The following KANSL1 variants were observed in gnomAD, a reference collection of about 807,000 sequenced individuals.
KANSL1 encodes the protein MLL1/MLL complex subunit KANSL1.
Under a neutral mutation model 103.6 loss-of-function variants are expected in KANSL1, and 22 were observed. The observed-to-expected ratio is 0.21, with a 90% confidence interval of 0.15 to 0.30. KANSL1 has a LOEUF of 0.30. Among genes scored for constraint, KANSL1 ranks in the 10% least tolerant of loss-of-function variants. The probability of loss-of-function intolerance (pLI) is 1.00; values close to 1 mark genes in which losing one functional copy is unlikely to be tolerated. For missense variants in KANSL1, 1,337 were observed against 1,399.8 expected (o/e 0.96, Z 0.72); for synonymous variants, 600 against 527.6 (o/e 1.14, Z -1.88).
At chr17:46,199,209 A>G (rs1482036595) in intron 1 of KANSL1, among the ~76,000 whole-genome samples, 1 of 152,238 alleles carries the variant, frequency 6.6e-6, no homozygotes, top group Non-Finnish European at 1.5e-5. Flanking sequence ...AAAGCGTCAA[A>G]GCTGGAATCA....
At position 46,082,483 on chromosome 17, in the gene KANSL1, T is replaced by G. The variant is rs17576165; in HGVS notation, c.1491A>C (p.Pro497=). ...PPEHTTDLFL[P]LSSEVKTDHG... ...GATCTGTCTTCACCTCAGAACTAAGTGGAAGAAATAAGTCTGTTGTATGCT... is the reference window on the plus strand; with the variant it reads ...GATCTGTCTTCACCTCAGAACTAAGGGGAAGAAATAAGTCTGTTGTATGCT... Residue 497 remains proline (P), a synonymous_variant, in exon 4 of 15, where the codon CCA becomes CCC. Transcript: ENST00000432791. 3 of 1,611,452 alleles carry G rather than the reference T, an allele frequency of 1.9e-6. No homozygotes were observed. The highest frequency in any genetic ancestry group is 1.3e-5 in the African/African-American group (1 of 74,806).
chr17:46,064,676 C>T (rs1471312990), intron 6 of KANSL1, among the ~76,000 whole-genome samples: 1 of 152,186 alleles, frequency 6.6e-6, no homozygotes, highest in Non-Finnish European at 1.5e-5. Flanking sequence ...CTTTCACATA[C>T]CACACTCTCT....
chr17:46,033,573 C>A, intron 11 of KANSL1, 113 bp from the exon 12 acceptor site: 2 of 853,094 alleles, frequency 2.3e-6, no homozygotes, highest in East Asian at 2.5e-5. Flanking sequence ...ACACTGCTCT[C>A]TGCCGGGTAG....
Position 46,067,658 on chromosome 17 carries a change from C to T in KANSL1, c.1543G>A (p.Val515Ile). Residue 515 changes from valine (V) to isoleucine (I), a missense_variant, in exon 5 of 15, where the codon GTT (valine) becomes ATT (isoleucine). Val to Ile is a conservative substitution (Grantham distance 29). Transcript: ENST00000432791. Reference sequence around the variant, plus strand: ...CCATGGTTTTCCAATGGCTGAGAAACAGACTCAATCTGATTAAGAAAAAGG... The same window carrying T: ...CCATGGTTTTCCAATGGCTGAGAAATAGACTCAATCTGATTAAGAAAAAGG... ...DHGTDKLIES[V>I]SQPLENHGAP... 1 of 1,522,678 alleles carries T rather than the reference C, an allele frequency of 6.6e-7. No individual in the cohort carries two copies. 94.3% of individuals were successfully genotyped at this position (1,522,678 alleles called of 1,614,324 possible).
At chr17:46,145,829 A>G (rs1364344650) in intron 2 of KANSL1, among the ~76,000 whole-genome samples, 1 of 152,184 alleles carries the variant, frequency 6.6e-6, no homozygotes, top group Non-Finnish European at 1.5e-5. Context: ...CCTGAGTTCA[A>G]GGGATTCTCC....
chr17:46,107,606 A>T (rs190517593), intron 2 of KANSL1, among the ~76,000 whole-genome samples: 797 of 152,218 alleles, frequency 5.2e-3, no homozygotes, highest in Non-Finnish European at 6.5e-3. Context: ...AGGTGATCTT[A>T]CCCAAACTCA....
intron 2 of KANSL1, among the ~76,000 whole-genome samples, chr17:46,162,398 T>C (rs1463438322): frequency 6.6e-6 from 1 of 152,234 alleles, no homozygotes; most frequent in Non-Finnish European, 1.5e-5. Context: ...TGACAGAGCC[T>C]AATCGGGGGC....
At chr17:46,141,486 T>C (rs2044419195) in intron 2 of KANSL1, among the ~76,000 whole-genome samples, 3 of 152,230 alleles carry the variant, frequency 2.0e-5, no homozygotes, top group Admixed American at 6.5e-5. Context: ...AATTCTTCTA[T>C]GCAATACTTT....
intron 1 of KANSL1, among the ~76,000 whole-genome samples, chr17:46,180,117 G>A (rs2046713257): frequency 6.6e-6 from 1 of 151,982 alleles, no homozygotes; most frequent in African/African-American, 2.4e-5. Context: ...TATTTTAATA[G>A]AGGAAATAGT....
chr17:46,153,641 T>A (rs2045251725), intron 2 of KANSL1, among the ~76,000 whole-genome samples: 1 of 152,156 alleles, frequency 6.6e-6, no homozygotes, highest in African/African-American at 2.4e-5. Context: ...AGTTAAAGAT[T>A]TCATGAACCA....
chr17:46,120,761 A>C (rs2147184766), intron 2 of KANSL1, among the ~76,000 whole-genome samples: 1 of 152,356 alleles, frequency 6.6e-6, no homozygotes, highest in South Asian at 2.1e-4. Context: ...TTATTAACCA[A>C]AGTCCATTTA....
At chr17:46,107,856 T>C (rs2042636629) in intron 2 of KANSL1, among the ~76,000 whole-genome samples, 1 of 152,186 alleles carries the variant, frequency 6.6e-6, no homozygotes, top group Non-Finnish European at 1.5e-5. Flanking sequence ...AAAACCTCCA[T>C]GTAATCCTTA....
At chr17:46,041,272 G>A (rs897181123) in intron 7 of KANSL1, 4 of 152,104 alleles carry the variant, frequency 2.6e-5, no homozygotes, top group African/African-American at 9.7e-5. Flanking sequence ...TTTCCAATCT[G>A]TATTCCTTTT....
intron 6 of KANSL1, among the ~76,000 whole-genome samples, chr17:46,051,802 C>T (rs899314207): frequency 6.6e-6 from 1 of 152,210 alleles, no homozygotes; most frequent in African/African-American, 2.4e-5. Context: ...AGAGACATCT[C>T]GAAAGCCTTT....
Position 46,031,535 on chromosome 17 carries a change from G to A in KANSL1, c.3259C>T (p.Pro1087Ser). The change falls in exon 15 of 15, where the codon CCC (proline) becomes TCC (serine). Residue 1087 changes from proline (P) to serine (S), a missense_variant. Transcript: ENST00000432791. ...GCCACCAGATGCCGACTCTTGAGGG[G>A]GACAATGGGAGGCGAGGTGGGCGCT... ...EAAPTSPPIV[P>S]LKSRHLVAAA... 6.2e-7 allele frequency: 1 copy of A among 1,614,092 alleles called. No homozygotes were observed. The highest frequency in any genetic ancestry group is 8.5e-7 in the Non-Finnish European group (1 of 1,180,012).
At chr17:46,091,134 A>G (rs1043436602) in intron 3 of KANSL1, among the ~76,000 whole-genome samples, 3 of 152,238 alleles carry the variant, frequency 2.0e-5, no homozygotes, top group Non-Finnish European at 4.4e-5. Flanking sequence ...GGTGGAAGAC[A>G]GTAATACCGA....
intron 1 of KANSL1, among the ~76,000 whole-genome samples, chr17:46,177,450 C>T (rs944499144): frequency 6.6e-6 from 1 of 152,122 alleles, no homozygotes; most frequent in African/African-American, 2.4e-5. Context: ...AAAAAGAAAA[C>T]TGAATGCCAA....
chr17:46,067,534 A>C lies in KANSL1; in HGVS notation c.1652+15T>G. 7.0e-7 allele frequency: 1 copy of C among 1,427,340 alleles called. No individual in the cohort carries two copies. The highest frequency in any genetic ancestry group is 9.9e-7 in the Non-Finnish European group (1 of 1,009,980). 88.4% of individuals were successfully genotyped at this position (1,427,340 alleles called of 1,614,324 possible). A position where few individuals can be genotyped will look rare whatever the true frequency, so the allele number is the denominator to read the frequency against. ...AAGTCTACTAAGTGTAGGAAGTAGA[A>C]GAGCTAAAACTTACGTGTTAATAAC... On this transcript the variant is annotated intron_variant, in intron 5 of 14. Coordinates refer to ENST00000432791, the MANE Select transcript of KANSL1 (RefSeq NM_015443.4).
upstream of KANSL1, among the ~76,000 whole-genome samples, chr17:46,197,330 T>C (rs1198636631): frequency 3.3e-5 from 5 of 152,216 alleles, no homozygotes; most frequent in Admixed American, 6.5e-5. Context: ...ACCACTGTTA[T>C]CGTCTACTCA....
Sources: gnomAD v4.1 joint callset for allele counts (sites outside exome capture counted in the v4.1 genomes callset) on GRCh38, gnomAD v4.1.1 for gene constraint, MANE v1.5 for transcripts, NCBI Gene and HGNC (gene_info 2026-07-23, HGNC 2026-07-21) for gene names.